PARVB: variants seen among roughly 807,000 people sequenced by gnomAD.
The protein encoded by PARVB is beta-parvin.
In PARVB, 46 loss-of-function variants were observed where a neutral mutation model predicts 47.0. The ratio of observed to expected loss-of-function variants is 0.98; its 90% CI spans 0.77 to 1.25. PARVB has a LOEUF of 1.25. Ranked by LOEUF, PARVB falls within the 50% of genes most tolerant of loss-of-function variation. The pLI, the probability that PARVB is intolerant of heterozygous loss-of-function variation, is 0.00. For synonymous variants in PARVB, 196 were observed against 196.3 expected (o/e 1.00, Z 0.01); for missense variants, 473 against 471.6 (o/e 1.00, Z -0.03).
chr22:44,013,475 GAGATCCTCAGTGC>G (rs2050544827), intron 2 of PARVB, among the ~76,000 whole-genome samples: 1 of 152,170 alleles, frequency 6.6e-6, no homozygotes, highest in Non-Finnish European at 1.5e-5. Context: ...ATATGCAGGG[GAGATCCTCAGTGC>G]CCCTCACCAC....
At chr22:44,168,065 G>C (rs924742826) in intron 12 of PARVB, 1 of 157,620 alleles carries the variant, frequency 6.3e-6, no homozygotes, top group Non-Finnish European at 1.4e-5. Context: ...CAAGGGCCTC[G>C]AGCGTTACCT....
intron 1 of PARVB, among the ~76,000 whole-genome samples, chr22:44,090,818 G>C (rs892888629): frequency 3.1e-4 from 47 of 152,342 alleles, no homozygotes; most frequent in African/African-American, 1.1e-3. Flanking sequence ...TATGATGCCA[G>C]CCAGGACATG....
chr22:44,076,503 C>T (rs1343652616), intron 1 of PARVB, among the ~76,000 whole-genome samples: 2 of 152,232 alleles, frequency 1.3e-5, no homozygotes, highest in Non-Finnish European at 1.5e-5. Flanking sequence ...ATACAGAGCC[C>T]AGCCTCAACA....
intron 4 of PARVB, among the ~76,000 whole-genome samples, chr22:44,124,131 T>A (rs2053134660): frequency 6.6e-6 from 1 of 152,176 alleles, no homozygotes; most frequent in Non-Finnish European, 1.5e-5. Context: ...GATTGTGGGG[T>A]CCTCTTGTGG....
At chr22:44,082,261 G>GTAATCC (rs1010083529) in intron 1 of PARVB, among the ~76,000 whole-genome samples, 11 of 152,306 alleles carry the variant, frequency 7.2e-5, no homozygotes, top group Middle Eastern at 6.8e-3. Context: ...GTTCGTGCCT[G>GTAATCC]TAATCCCAGC....
chr22:44,092,205 G>T (rs952430659), intron 1 of PARVB, among the ~76,000 whole-genome samples: 8 of 152,120 alleles, frequency 5.3e-5, no homozygotes, highest in African/African-American at 1.9e-4. Flanking sequence ...CCGCCTCCTG[G>T]GTTCAAGCAA....
chr22:44,063,495 G>C (rs566884854), intron 1 of PARVB, among the ~76,000 whole-genome samples: 31 of 152,104 alleles, frequency 2.0e-4, no homozygotes, highest in Non-Finnish European at 3.5e-4. Context: ...CCAAAGTACT[G>C]GGATTACAGG....
At chr22:44,066,804 C>CCTCCTCCTCCTCCTCCTGCTT (rs1555898501) in intron 1 of PARVB, among the ~76,000 whole-genome samples, 1 of 131,086 alleles carries the variant, frequency 7.6e-6, no homozygotes, top group Admixed American at 7.8e-5. Context: ...TCCTCCTCCT[C>CCTCCTCCTCCTCCTCCTGCTT]CTCCTCCTCC....
intron 4 of PARVB, among the ~76,000 whole-genome samples, chr22:44,122,528 CAG>C (rs1286346736): frequency 2.6e-3 from 144 of 55,900 alleles, no homozygotes; most frequent in Middle Eastern, 0.011. Flanking sequence ...GACAGAGAGA[CAG>C]AGAGAGAGAG....
chr22:44,044,316 G>A (rs1310355143), intron 1 of PARVB, among the ~76,000 whole-genome samples: 5 of 150,144 alleles, frequency 3.3e-5, no homozygotes, highest in Non-Finnish European at 5.9e-5. Flanking sequence ...TCAGCCTCCC[G>A]AGTAGCTGGG....
intron 1 of PARVB, among the ~76,000 whole-genome samples, chr22:44,029,975 ATT>A: frequency 6.6e-6 from 1 of 152,232 alleles, no homozygotes; most frequent in Admixed American, 6.5e-5. Context: ...GGTTGAAAGT[ATT>A]AAGTTTCTTT....
At chr22:44,055,197 TC>T (rs2051283709) in intron 1 of PARVB, among the ~76,000 whole-genome samples, 1 of 151,988 alleles carries the variant, frequency 6.6e-6, no homozygotes, top group South Asian at 2.1e-4. Context: ...CATTACCTGT[TC>T]CCCGAGCCAT....
intron 3 of PARVB, chr22:44,105,085 C>T (rs2052538027): frequency 6.6e-6 from 1 of 152,264 alleles, no homozygotes; most frequent in Non-Finnish European, 1.5e-5. Flanking sequence ...GCAGTATTGC[C>T]AGCCGGGGAG....
chr22:44,118,955 C>T, intron 3 of PARVB, 83 bp from the exon 4 acceptor site: 1 of 924,350 alleles, frequency 1.1e-6, no homozygotes, highest in Non-Finnish European at 1.8e-6. Context: ...GCTGTGCAGT[C>T]TCTGTTTCTG....
At chr22:44,140,059 T>TCCCTCATCCTCCACTTTCTGGCTG in intron 7 of PARVB, 65 bp from the exon 8 acceptor site, 1 of 1,597,898 alleles carries the variant, frequency 6.3e-7, no homozygotes, top group South Asian at 1.1e-5. Flanking sequence ...TCCTCCATTG[T>TCCCTCATCCTCCACTTTCTGGCTG]GCTGCTTGTG....
At chr22:44,084,301 A>G (rs2051974409) in intron 1 of PARVB, among the ~76,000 whole-genome samples, 1 of 152,248 alleles carries the variant, frequency 6.6e-6, no homozygotes, top group Non-Finnish European at 1.5e-5. Flanking sequence ...GAGCTGAACT[A>G]CAAGGCCCGA....
At chr22:44,047,724 C>T (rs562093727) in intron 1 of PARVB, among the ~76,000 whole-genome samples, 2 of 152,264 alleles carry the variant, frequency 1.3e-5, no homozygotes, top group East Asian at 3.9e-4. Context: ...AAGCCACAAG[C>T]TTCTAGGGGT....
intron 10 of PARVB, chr22:44,152,550 C>G (rs1177601788): frequency 6.6e-6 from 1 of 152,232 alleles, no homozygotes; most frequent in Admixed American, 6.5e-5. Context: ...ACGTGCTGGC[C>G]CCTTCAGCCT....
intron 1 of PARVB, among the ~76,000 whole-genome samples, chr22:44,075,874 A>G (rs2051760531): frequency 6.6e-6 from 1 of 152,234 alleles, no homozygotes; most frequent in African/African-American, 2.4e-5. Context: ...CTGCAGATGT[A>G]TAGCCCAGGT....
Sources: gnomAD v4.1 joint callset for allele counts (sites outside exome capture counted in the v4.1 genomes callset) on GRCh38, gnomAD v4.1.1 for gene constraint, MANE v1.5 for transcripts, NCBI Gene and HGNC (gene_info 2026-07-23, HGNC 2026-07-21) for gene names.